The following SLIT2 variants were observed in gnomAD, a reference collection of about 807,000 sequenced individuals.
SLIT2 encodes the protein slit homolog 2 protein.
In SLIT2, 41 loss-of-function variants were observed where a neutral mutation model predicts 185.7. The observed-to-expected ratio is 0.22, with a 90% CI of 0.17 to 0.29. The LOEUF is 0.29. SLIT2 is among the 10% of genes least tolerant of loss of function. The pLI, the probability that SLIT2 is intolerant of heterozygous loss-of-function variation, is 1.00. For missense variants in SLIT2, 1,571 were observed against 1,909.0 expected, an observed-to-expected ratio of 0.82 and a Z score of 3.30; for synonymous variants, 693 against 680.2, an observed-to-expected ratio of 1.02 and a Z score of -0.29.
At chr4:20,259,105 A>G (rs2109011370) in intron 3 of SLIT2, among the ~76,000 whole-genome samples, 1 of 151,802 alleles carries the variant, frequency 6.6e-6, no homozygotes, top group Non-Finnish European at 1.5e-5. Context: ...AAGGACTATA[A>G]TTGTGGAATT....
intron 9 of SLIT2, among the ~76,000 whole-genome samples, chr4:20,509,360 G>T (rs1719498875): frequency 6.6e-6 from 1 of 151,924 alleles, no homozygotes; most frequent in Non-Finnish European, 1.5e-5. Context: ...AGGGCTATAA[G>T]GACAGAAGAA....
chr4:20,596,600 C>G lies in SLIT2; in HGVS notation c.3506C>G (p.Ser1169Cys). ...AGTGTGAATTTTATAAACAAAGAGT[C>G]TTATCTTCAGATTCCTTCAGCCAAG... ...LVSVNFINKE[S>C]YLQIPSAKVR... Residue 1169 changes from serine (S) to cysteine (C), a missense_variant, in exon 32 of 37, where the codon TCT becomes TGT. Ser to Cys is a moderately radical substitution (Grantham distance 112, BLOSUM62 -1). Coordinates refer to ENST00000504154, the MANE Select transcript of SLIT2 (RefSeq NM_004787.4). The G allele has an allele frequency of 6.2e-7, 1 of 1,613,870 alleles. No homozygotes were observed. The highest frequency in any genetic ancestry group is 8.5e-7 in the Non-Finnish European group (1 of 1,179,886).
chr4:20,439,839 A>G (rs1458742761), intron 4 of SLIT2, among the ~76,000 whole-genome samples: 1 of 152,228 alleles, frequency 6.6e-6, no homozygotes, highest in African/African-American at 2.4e-5. Flanking sequence ...GTTAAGAACC[A>G]TAGATAAATA....
chr4:20,510,695 A>G (rs938061197), intron 10 of SLIT2, 129 bp downstream of exon 10: 8 of 599,952 alleles, frequency 1.3e-5, no homozygotes, highest in Non-Finnish European at 2.3e-5. Context: ...TGACTGTCTG[A>G]TTACTAGCTC....
chr4:20,296,163 A>G (rs1035121557), intron 4 of SLIT2, among the ~76,000 whole-genome samples: 3 of 152,176 alleles, frequency 2.0e-5, no homozygotes, highest in African/African-American at 7.2e-5. Flanking sequence ...AACAGTTCCT[A>G]TTCTATCTGT....
At chr4:20,389,696 A>G (rs762660662) in intron 4 of SLIT2, among the ~76,000 whole-genome samples, 7 of 152,144 alleles carry the variant, frequency 4.6e-5, no homozygotes, top group Non-Finnish European at 8.8e-5. Context: ...GCAGCCAATT[A>G]CATACTCCTA....
chr4:20,481,099 TAAAA>T (rs34462059), intron 6 of SLIT2, among the ~76,000 whole-genome samples: 2 of 150,976 alleles, frequency 1.3e-5, no homozygotes, highest in African/African-American at 4.9e-5. Flanking sequence ...AAAAATAACA[TAAAA>T]AAAAACCTCT....
At chr4:20,554,763 G>GT (rs144729112) in intron 26 of SLIT2, among the ~76,000 whole-genome samples, 1,515 of 146,244 alleles carry the variant, frequency 0.01, 13 homozygotes, top group African/African-American at 0.018. Context: ...CTTTTGTTTT[G>GT]TTTTTTTTTT....
chr4:20,542,812 CTG>C (rs753747459), intron 21 of SLIT2, among the ~76,000 whole-genome samples, 186 bp downstream of exon 21: 255 of 111,046 alleles, frequency 2.3e-3, no homozygotes, highest in Non-Finnish European at 3.3e-3. Flanking sequence ...TTGGGAATTG[CTG>C]TGTGTGTGTG....
intron 9 of SLIT2, among the ~76,000 whole-genome samples, chr4:20,504,644 A>C (rs1191075301): frequency 1.3e-5 from 2 of 152,126 alleles, no homozygotes; most frequent in Non-Finnish European, 2.9e-5. Context: ...TTGTTTAAAA[A>C]CATGATTTGG....
intron 8 of SLIT2, among the ~76,000 whole-genome samples, chr4:20,489,336 A>G (rs1717561491): frequency 6.6e-6 from 1 of 152,246 alleles, no homozygotes; most frequent in Non-Finnish European, 1.5e-5. Context: ...ATGATTAGCT[A>G]ATCCTGGATC....
At chr4:20,351,788 G>A (rs1356723228) in intron 4 of SLIT2, among the ~76,000 whole-genome samples, 1 of 152,126 alleles carries the variant, frequency 6.6e-6, no homozygotes. Flanking sequence ...TGTTAATGGG[G>A]TGCTGAAAAA....
intron 4 of SLIT2, among the ~76,000 whole-genome samples, chr4:20,336,956 C>A (rs1720556422): frequency 6.6e-6 from 1 of 152,162 alleles, no homozygotes; most frequent in South Asian, 2.1e-4. Context: ...TTGGATTTGG[C>A]TCCTGAGAAT....
chr4:20,464,650 A>C (rs2148736805), intron 4 of SLIT2, among the ~76,000 whole-genome samples: 1 of 152,114 alleles, frequency 6.6e-6, no homozygotes, highest in African/African-American at 2.4e-5. Context: ...CTGTTATTCC[A>C]CTGCATACGT....
At chr4:20,275,219 A>T (rs1400384959) in intron 4 of SLIT2, among the ~76,000 whole-genome samples, 1 of 152,158 alleles carries the variant, frequency 6.6e-6, no homozygotes, top group East Asian at 1.9e-4. Context: ...TAAGACACTG[A>T]AATCAATTTA....
intron 4 of SLIT2, among the ~76,000 whole-genome samples, chr4:20,440,749 A>G (rs1729681607): frequency 6.6e-6 from 1 of 152,192 alleles, no homozygotes; most frequent in Non-Finnish European, 1.5e-5. Context: ...TTTGATATGT[A>G]TTGGATTTAT....
chr4:20,269,599 T>C (rs1713392462), intron 4 of SLIT2, among the ~76,000 whole-genome samples: 1 of 151,946 alleles, frequency 6.6e-6, no homozygotes, highest in Admixed American at 6.6e-5. Flanking sequence ...AATGACTTTG[T>C]GCAGATGGGA....
At chr4:20,554,895 G>A (rs1004928824) in intron 26 of SLIT2, among the ~76,000 whole-genome samples, 1 of 151,950 alleles carries the variant, frequency 6.6e-6, no homozygotes, top group Non-Finnish European at 1.5e-5. Context: ...TCAGCCTCCC[G>A]AGTAGCTGGG....
Position 20,598,371 on chromosome 4 carries a change from C to G in SLIT2, c.3668C>G (p.Ser1223Cys), listed in dbSNP as rs1385100179. ...GTTCGTGCCAGCTATGACACCGGCTCTCATCCAGCTTCTGCCATTTACAGG... is the reference window on the plus strand; with the variant it reads ...GTTCGTGCCAGCTATGACACCGGCTGTCATCCAGCTTCTGCCATTTACAGG... ...GRVRASYDTG[S>C]HPASAIYSVE... Residue 1223 changes from serine (S) to cysteine (C), a missense_variant, in exon 33 of 37, where the codon TCT becomes TGT. Ser to Cys is a moderately radical substitution (Grantham distance 112). This residue lies in a region of SLIT2 where 146 missense variants were observed against 247.4 expected (regional missense o/e 0.59). Transcript: ENST00000504154. 2.5e-6 allele frequency: 4 copies of G among 1,613,960 alleles called. No homozygotes were observed. Among genetic ancestry groups the G allele is most frequent in the Admixed American group, 1.7e-5 (1 of 59,996 alleles).
Sources: allele counts gnomAD v4.1 joint callset (sites outside exome capture counted in the v4.1 genomes callset), GRCh38; gene constraint gnomAD v4.1.1; regional missense constraint gnomAD v4.1.1; transcripts MANE v1.5; gene names NCBI Gene and HGNC (gene_info 2026-07-23, HGNC 2026-07-21).